Variants in PABPC1L observed in about 807,000 individuals in gnomAD.
PABPC1L encodes poly(A) binding protein cytoplasmic 1 like.
PABPC1L carries 31 observed loss-of-function variants against 66.6 expected under a neutral mutation model. The ratio of observed to expected loss-of-function variants is 0.47; its 90% confidence interval spans 0.35 to 0.63. The LOEUF (loss-of-function observed/expected upper bound fraction) is 0.63. Among genes scored for constraint, PABPC1L ranks in the 20% least tolerant of loss-of-function variants. The pLI is 0.00. For synonymous variants in PABPC1L, 348 were observed against 335.1 expected (o/e 1.04, Z -0.42); for missense variants, 722 against 848.8 (o/e 0.85, Z 1.86).
At chr20:44,928,887 A>AAAAAAAAAAAAG (rs2066830304) in intron 7 of PABPC1L, among the ~76,000 whole-genome samples, 2 of 135,038 alleles carry the variant, frequency 1.5e-5, no homozygotes, top group African/African-American at 5.5e-5. Flanking sequence ...AAAAAAAAAG[A>AAAAAAAAAAAAG]AAAAAAAAAA....
chr20:44,936,506 G>C, intron 11 of PABPC1L, 131 bp from the exon 12 acceptor site: 1 of 694,060 alleles, frequency 1.4e-6, no homozygotes, highest in Non-Finnish European at 2.4e-6. Flanking sequence ...CACCCCACCT[G>C]ATCATCCAGA....
chr20:44,939,234 T>C lies in PABPC1L; in HGVS notation c.*115T>C. 1.4e-6 allele frequency: 1 copy of C among 717,686 alleles called. No individual in the cohort carries two copies. The highest frequency in any genetic ancestry group is 2.0e-5 in the Admixed American group (1 of 50,026). The allele number at this position is 717,686 out of a possible 1,614,324, so 44.5% of individuals were successfully genotyped here. A position where few individuals can be genotyped will look rare whatever the true frequency, so the allele number is the denominator to read the frequency against. ...TTCCCAATTAGTCTGTATCTATACT[T>C]GGGCTCTGTATGTGAATGAAGGTTG... On this transcript the variant is annotated 3_prime_UTR_variant, in exon 15 of 15. Transcript: ENST00000217073.
rs781422254 is a variant in PABPC1L, at chr20:44,912,760, G to A, written c.294G>A (p.Val98=). Residue 98 remains valine, a synonymous_variant, in exon 2 of 15, where the codon GTG becomes GTA. Coordinates refer to ENST00000217073, the MANE Select transcript of PABPC1L (RefSeq NM_001372179.1). ...ACCCAGGACTTCGCAAGTCAGGTGTGGGCAACATCTTCATCAAGAACCTGG... is the reference window on the plus strand; with the variant it reads ...ACCCAGGACTTCGCAAGTCAGGTGTAGGCAACATCTTCATCAAGAACCTGG... The part of the protein sequence containing the change: ...QRDPGLRKSG[V]GNIFIKNLED... 8 of 1,613,964 alleles carry A rather than the reference G, an allele frequency of 5.0e-6. No homozygotes were observed. The African/African-American group carries it at 1.1e-4, about 22-fold the overall frequency.
Position 44,939,178 on chromosome 20 carries a change from C to T in PABPC1L, c.*59C>T, listed in dbSNP as rs1293581478. The stretch of plus-strand genomic sequence containing the variant: ...CCAAAAGGACAGTGTTTCTGGCTCT[C>T]AGCCCTAAGGCCCTGCAAACTCTAA... On this transcript the variant is annotated 3_prime_UTR_variant, in exon 15 of 15. Coordinates refer to ENST00000217073, the MANE Select transcript of PABPC1L (RefSeq NM_001372179.1). 5 of 717,962 alleles carry T rather than the reference C, an allele frequency of 7.0e-6. No individual in the cohort carries two copies. The Admixed American group carries it at 1.0e-4, about 14-fold the overall frequency. 44.5% of individuals were successfully genotyped at this position (717,962 alleles called of 1,614,324 possible).
In PABPC1L at chr20:44,936,554, C is replaced by T. The variant is rs899209937; in HGVS notation, c.1567-83C>T. 3.5e-5 allele frequency: 42 copies of T among 1,186,394 alleles called. No individual in the cohort carries two copies. The African/African-American group carries it at 4.9e-4, about 14-fold the overall frequency. The allele number at this position is 1,186,394 out of a possible 1,614,324, so 73.5% of individuals were successfully genotyped here. A position where few individuals can be genotyped will look rare whatever the true frequency, so the allele number is the denominator to read the frequency against. On this transcript the variant is annotated intron_variant, in intron 11 of 14. Coordinates refer to ENST00000217073, the MANE Select transcript of PABPC1L (RefSeq NM_001372179.1). Reference sequence around the variant, plus strand: ...TTCCCCTCCTCCAGTGCCTCCCTGGCCTTCTGCTCACTTGCCAGGGTAAGT... The same window carrying T: ...TTCCCCTCCTCCAGTGCCTCCCTGGTCTTCTGCTCACTTGCCAGGGTAAGT...
intron 7 of PABPC1L, 45 bp from the exon 8 acceptor site, chr20:44,930,415 C>T (rs1479143966): frequency 6.3e-7 from 1 of 1,580,238 alleles, no homozygotes; most frequent in Non-Finnish European, 8.6e-7. Flanking sequence ...GCCCCAGGAG[C>T]CTTCCTTCCC....
At chr20:44,918,486 A>T (rs762468892) in intron 3 of PABPC1L, among the ~76,000 whole-genome samples, 1 of 152,122 alleles carries the variant, frequency 6.6e-6, no homozygotes, top group Non-Finnish European at 1.5e-5. Flanking sequence ...CATGATGAGA[A>T]TTTGAGTCCC....
intron 3 of PABPC1L, among the ~76,000 whole-genome samples, chr20:44,917,581 A>G (rs1339459975): frequency 6.6e-6 from 1 of 152,112 alleles, no homozygotes; most frequent in Admixed American, 6.5e-5. Context: ...TGCCCTCATC[A>G]TACTGTTAAC....
chr20:44,922,469 C>T (rs746513724), intron 6 of PABPC1L, among the ~76,000 whole-genome samples: 7 of 152,154 alleles, frequency 4.6e-5, no homozygotes, highest in Non-Finnish European at 1.0e-4. Context: ...AACTCCTGAC[C>T]TTGTGATCTG....
At chr20:44,928,094 A>C (rs1453762629) in intron 7 of PABPC1L, among the ~76,000 whole-genome samples, 2 of 152,144 alleles carry the variant, frequency 1.3e-5, no homozygotes, top group Admixed American at 1.3e-4. Context: ...TTTGAGACGA[A>C]GTCCCACTCT....
At chr20:44,911,111 G>A (rs1271741441) in intron 1 of PABPC1L, among the ~76,000 whole-genome samples, 2 of 151,764 alleles carry the variant, frequency 1.3e-5, no homozygotes, top group Non-Finnish European at 2.9e-5. Flanking sequence ...TTGTTACCTC[G>A]TAAACGCTCT....
chr20:44,925,567 A>G (rs931399713), intron 7 of PABPC1L, among the ~76,000 whole-genome samples: 1 of 152,190 alleles, frequency 6.6e-6, no homozygotes, highest in African/African-American at 2.4e-5. Flanking sequence ...TGTGAGTGAC[A>G]GGATGGGGGG....
At chr20:44,937,006 CAG>C (rs746459421) in intron 12 of PABPC1L, 16 of 568,548 alleles carry the variant, frequency 2.8e-5, no homozygotes, top group African/African-American at 2.6e-4. Flanking sequence ...GTGGGGAGAT[CAG>C]GGGACAAAGG....
chr20:44,925,058 A>T (rs1055373920), intron 7 of PABPC1L, among the ~76,000 whole-genome samples: 2 of 147,996 alleles, frequency 1.4e-5, no homozygotes, highest in Admixed American at 1.3e-4. Flanking sequence ...CTAAAAATAC[A>T]AAAAATTAGC....
Position 44,912,717 on chromosome 20 carries a change from T to G in PABPC1L, c.251T>G (p.Ile84Ser). Residue 84 changes from isoleucine to serine, a missense_variant, in exon 2 of 15, where the codon ATC becomes AGC. Ile to Ser is a moderately radical substitution (Grantham distance 142, BLOSUM62 -2). Around this residue, in one of 3 missense-constraint regions of PABPC1L, gnomAD observed 284 missense variants for 294.8 expected, o/e 0.96. Transcript: ENST00000217073. ...FEMLKGQPIR[I>S]MWSQRDPGLR... ...ATGCTCAAAGGCCAGCCTATTCGCA[T>G]CATGTGGTCCCAGCGAGACCCAGGA... is the stretch of plus-strand genomic sequence containing the variant. 6.2e-7 allele frequency: 1 copy of G among 1,614,152 alleles called. No individual in the cohort carries two copies. Among genetic ancestry groups the G allele is most frequent in the African/African-American group, 1.3e-5 (1 of 75,048 alleles).
chr20:44,916,991 A>G (rs2066742458), intron 3 of PABPC1L, 120 bp downstream of exon 3: 1 of 897,850 alleles, frequency 1.1e-6, no homozygotes, highest in Admixed American at 2.1e-5. Context: ...AGCGGCAGGC[A>G]GCCCTCCTAG....
intron 7 of PABPC1L, among the ~76,000 whole-genome samples, chr20:44,925,029 C>T (rs557515434): frequency 1.6e-4 from 24 of 146,628 alleles, no homozygotes; most frequent in East Asian, 5.8e-4. Context: ...CTCGCTAACA[C>T]GGTGAAACCC....
At position 44,921,548 on chromosome 20, in the gene PABPC1L, C is replaced by T. The variant is rs73296537; in HGVS notation, c.739-46C>T. 2.4e-3 allele frequency: 3,897 copies of T among 1,605,492 alleles called. 64 individuals are homozygous for T. The African/African-American group carries it at 0.039, about 16-fold the overall frequency. ...TCCAGAAGATGAGCCTGGGCCAGGG[C>T]CACATCTGAGTGGTTACCAAGCATG... On this transcript the variant is annotated intron_variant, in intron 5 of 14. Transcript: ENST00000217073.
chr20:44,935,952 A>C (rs1036098006), intron 11 of PABPC1L, among the ~76,000 whole-genome samples: 9 of 152,146 alleles, frequency 5.9e-5, no homozygotes, highest in African/African-American at 2.4e-5. Context: ...GAATGAGAAC[A>C]GTCTTTAAAC....
Sources: allele counts gnomAD v4.1 joint callset (sites outside exome capture counted in the v4.1 genomes callset), GRCh38; gene constraint gnomAD v4.1.1; regional missense constraint gnomAD v4.1.1; transcripts MANE v1.5; gene names NCBI Gene and HGNC (gene_info 2026-07-23, HGNC 2026-07-21).